The following TVP23B variants were observed in gnomAD, a reference collection of about 807,000 sequenced individuals.
TVP23B encodes Golgi apparatus membrane protein TVP23 homolog B.
A neutral mutation model predicts 30.6 loss-of-function variants in TVP23B; 10 were observed. The ratio of observed to expected loss-of-function variants is 0.33; its 90% CI spans 0.20 to 0.55. The LOEUF is 0.55. Among genes scored for constraint, TVP23B ranks in the 20% least tolerant of loss-of-function variants. The probability of loss-of-function intolerance (pLI) is 0.91; values close to 1 mark genes in which losing one functional copy is unlikely to be tolerated. For missense variants in TVP23B, 153 were observed against 243.2 expected, an observed-to-expected ratio of 0.63 and a Z score of 2.47; for synonymous variants, 67 against 83.1, an observed-to-expected ratio of 0.81 and a Z score of 1.06.
intron 2 of TVP23B, among the ~76,000 whole-genome samples, chr17:18,790,029 G>T (rs1478500966): frequency 2.6e-5 from 4 of 152,214 alleles, no homozygotes; most frequent in Admixed American, 2.0e-4. Flanking sequence ...TGGGTACAAA[G>T]ATTCTGTCTG....
chr17:18,786,094 T>C (rs867993594), intron 1 of TVP23B, among the ~76,000 whole-genome samples: 66 of 151,662 alleles, frequency 4.4e-4, no homozygotes, highest in East Asian at 2.5e-3. Flanking sequence ...CTGTCTCTCA[T>C]CTCTACTTTG....
intron 1 of TVP23B, among the ~76,000 whole-genome samples, chr17:18,783,699 T>G (rs1479592321): frequency 1.3e-5 from 2 of 152,204 alleles, no homozygotes; most frequent in Non-Finnish European, 2.9e-5. Context: ...CATTCTTAGG[T>G]CTTCCTGTCT....
chr17:18,793,545 G>A (rs1402156170), intron 3 of TVP23B, among the ~76,000 whole-genome samples: 2 of 148,650 alleles, frequency 1.3e-5, no homozygotes, highest in Middle Eastern at 3.6e-3. Context: ...GCAGTGAGCC[G>A]AGATTGCGCC....
intron 6 of TVP23B, 73 bp downstream of exon 6, chr17:18,804,339 C>T (rs1341634615): frequency 3.2e-5 from 47 of 1,491,390 alleles, no homozygotes; most frequent in East Asian, 1.4e-4. Context: ...TTTTATGAAA[C>T]GCTCCTGAAC....
chr17:18,792,327 C>T (rs1567634013), intron 3 of TVP23B, among the ~76,000 whole-genome samples: 1 of 152,164 alleles, frequency 6.6e-6, no homozygotes. Flanking sequence ...TGAGCCACTG[C>T]GCCTGGCCAT....
chr17:18,796,059 T>C (rs2036071660), intron 3 of TVP23B: 2 of 149,960 alleles, frequency 1.3e-5, no homozygotes, highest in South Asian at 4.2e-4. Context: ...GCAGGTCTAA[T>C]AACTACTTTC....
At chr17:18,788,323 T>G (rs1392920969) in intron 1 of TVP23B, among the ~76,000 whole-genome samples, 1 of 71,670 alleles carries the variant, frequency 1.4e-5, no homozygotes, top group Non-Finnish European at 2.4e-5. Context: ...AGAGCAAGAC[T>G]CCATCTCAAA....
intron 1 of TVP23B, among the ~76,000 whole-genome samples, chr17:18,787,402 CAA>C (rs565447334): frequency 6.7e-5 from 6 of 90,024 alleles, no homozygotes; most frequent in East Asian, 3.1e-4. Context: ...GACTCTGTCT[CAA>C]AAAAAAAAAA....
At chr17:18,784,270 G>A (rs910362628) in intron 1 of TVP23B, among the ~76,000 whole-genome samples, 9 of 152,162 alleles carry the variant, frequency 5.9e-5, no homozygotes, top group Non-Finnish European at 1.3e-4. Context: ...AGTCTCTCTT[G>A]TATTCATTCT....
intron 5 of TVP23B, among the ~76,000 whole-genome samples, chr17:18,800,070 T>C (rs1409983384): frequency 6.6e-6 from 1 of 152,102 alleles, no homozygotes; most frequent in East Asian, 1.9e-4. Flanking sequence ...TGGGAAACTT[T>C]ACGCTAATAT....
intron 1 of TVP23B, among the ~76,000 whole-genome samples, chr17:18,783,066 CT>C (rs1444595194): frequency 1.2e-5 from 1 of 85,294 alleles, no homozygotes; most frequent in African/African-American, 3.8e-5. Context: ...ACAATGTTGA[CT>C]GTTCCCACTA....
chr17:18,781,199 C>G lies in TVP23B; in HGVS notation c.-95C>G, dbSNP rs1211421201. ...ACTGAGGCTCTTACAGTGGTCCCTG[C>G]TGGCCCTTGGTGACGGGTCGCCTCA... On this transcript the variant is annotated 5_prime_UTR_variant, in exon 1 of 7. Coordinates refer to ENST00000307767, the MANE Select transcript of TVP23B (RefSeq NM_016078.6). 3.9e-6 allele frequency: 6 copies of G among 1,536,138 alleles called. No homozygotes were observed. Among genetic ancestry groups the G allele is most frequent in the South Asian group, 1.2e-5 (1 of 83,076 alleles).
intron 5 of TVP23B, among the ~76,000 whole-genome samples, chr17:18,803,761 A>G (rs2036204823): frequency 6.6e-6 from 1 of 152,230 alleles, no homozygotes; most frequent in Admixed American, 6.5e-5. Context: ...TGTAATTCTT[A>G]TAGGAATAAT....
chr17:18,786,726 G>A (rs2035911848), intron 1 of TVP23B, among the ~76,000 whole-genome samples: 1 of 152,104 alleles, frequency 6.6e-6, no homozygotes, highest in Non-Finnish European at 1.5e-5. Flanking sequence ...TCATAGATCT[G>A]AATCCATTTT....
At chr17:18,793,839 GAT>G (rs1327803404) in intron 3 of TVP23B, among the ~76,000 whole-genome samples, 2 of 152,076 alleles carry the variant, frequency 1.3e-5, no homozygotes, top group African/African-American at 4.8e-5. Flanking sequence ...AGAATACTAA[GAT>G]TGGTCAGAAA....
chr17:18,804,040 C>T, intron 5 of TVP23B, 98 bp from the exon 6 acceptor site: 1 of 699,134 alleles, frequency 1.4e-6, no homozygotes, highest in Non-Finnish European at 2.5e-6. Flanking sequence ...CTTCCTCTTC[C>T]TTCTCTTTCT....
intron 1 of TVP23B, among the ~76,000 whole-genome samples, chr17:18,785,127 T>C (rs552066584): frequency 1.7e-4 from 26 of 152,112 alleles, no homozygotes; most frequent in South Asian, 1.0e-3. Context: ...TGTCCCTCCT[T>C]CTTCTCCCCT....
chr17:18,786,117 CCTT>C (rs1200180109), intron 1 of TVP23B, among the ~76,000 whole-genome samples: 2 of 152,188 alleles, frequency 1.3e-5, no homozygotes, highest in African/African-American at 2.4e-5. Context: ...TGTTTCATCA[CCTT>C]CTCTCACTGA....
At position 18,805,971 on chromosome 17, in the gene TVP23B, A is replaced by C; in HGVS notation, c.*404A>C. The C allele has an allele frequency of 1.0e-6, 1 of 972,326 alleles. No individual in the cohort carries two copies. Among genetic ancestry groups the C allele is most frequent in the Non-Finnish European group, 1.2e-6 (1 of 816,062 alleles). 60.2% of individuals were successfully genotyped at this position (972,326 alleles called of 1,614,324 possible). A position where few individuals can be genotyped will look rare whatever the true frequency, so the allele number is the denominator to read the frequency against. On this transcript the variant is annotated 3_prime_UTR_variant, in exon 7 of 7. Coordinates refer to ENST00000307767, the MANE Select transcript of TVP23B (RefSeq NM_016078.6). The stretch of plus-strand genomic sequence containing the variant: ...TCAAAGCTCTATATGTTTACATATT[A>C]TTTCTGTAGATTGTTTTCAGGAGAA...
Sources: allele counts gnomAD v4.1 joint callset (sites outside exome capture counted in the v4.1 genomes callset), GRCh38; gene constraint gnomAD v4.1.1; transcripts MANE v1.5; gene names NCBI Gene and HGNC (gene_info 2026-07-23, HGNC 2026-07-21).